CNTNAP2: variants seen among roughly 807,000 people sequenced by gnomAD.
The protein encoded by CNTNAP2 is contactin associated protein 2.
In CNTNAP2, 98 loss-of-function variants were observed where a neutral mutation model predicts 155.2. The ratio of observed to expected loss-of-function variants is 0.63; its 90% CI spans 0.54 to 0.75. CNTNAP2 has a LOEUF of 0.75. Among genes scored for constraint, CNTNAP2 ranks in the 30% least tolerant of loss-of-function variants. The probability of loss-of-function intolerance (pLI) is 0.00; values close to 1 mark genes in which losing one functional copy is unlikely to be tolerated. For missense variants in CNTNAP2, 1,727 were observed against 1,688.1 expected (o/e 1.02, Z -0.40); for synonymous variants, 651 against 631.2 (o/e 1.03, Z -0.47).
intron 9 of CNTNAP2, among the ~76,000 whole-genome samples, chr7:147,340,958 G>T (rs922724274): frequency 6.6e-6 from 1 of 151,944 alleles, no homozygotes; most frequent in Non-Finnish European, 1.5e-5. Context: ...GCCACCGCTA[G>T]ATGCTCCTCC....
intron 12 of CNTNAP2, among the ~76,000 whole-genome samples, chr7:147,566,398 A>C (rs1295644172): frequency 2.0e-5 from 3 of 150,958 alleles, no homozygotes; most frequent in Non-Finnish European, 4.4e-5. Context: ...ATGAGGAATT[A>C]GTCCGTTCTC....
chr7:146,567,776 A>C (rs1487553924), intron 1 of CNTNAP2, among the ~76,000 whole-genome samples: 3 of 152,098 alleles, frequency 2.0e-5, no homozygotes, highest in Admixed American at 6.5e-5. Context: ...GCTGGAGTGC[A>C]GTGGCGCGAT....
At chr7:148,071,406 G>A (rs1803379437) in intron 15 of CNTNAP2, among the ~76,000 whole-genome samples, 1 of 152,154 alleles carries the variant, frequency 6.6e-6, no homozygotes, top group East Asian at 1.9e-4. Context: ...CTTGAACCAG[G>A]AGGTGGAGGT....
Position 147,015,076 on chromosome 7 carries a change from CT to C in CNTNAP2, c.403-28827del, listed in dbSNP as rs1271436779. 2.7e-5 allele frequency among the ~76,000 whole-genome samples: 4 copies of C among 149,850 alleles called. 1 individual carries two copies. Among genetic ancestry groups the C allele is most frequent in the African/African-American group, 9.8e-5 (4 of 40,960 alleles). ...TGTGCTCAATGAATGTTTATGGATG[CT>C]TTTGACACAGTGGTTTTTTTTTTTT... On this transcript the variant is annotated intron_variant, in intron 3 of 23. Transcript: ENST00000361727.
chr7:147,350,376 A>T (rs1471499888), intron 9 of CNTNAP2, among the ~76,000 whole-genome samples: 1 of 151,926 alleles, frequency 6.6e-6, no homozygotes, highest in Non-Finnish European at 1.5e-5. Flanking sequence ...CCGATGCCCA[A>T]GTAATACCCC....
At chr7:146,644,612 T>A (rs1799776489) in intron 1 of CNTNAP2, among the ~76,000 whole-genome samples, 1 of 152,076 alleles carries the variant, frequency 6.6e-6, no homozygotes. Context: ...TGGTCTAAAA[T>A]TCGCAAATAG....
chr7:147,441,721 C>A (rs896904735), intron 10 of CNTNAP2, among the ~76,000 whole-genome samples: 14 of 151,764 alleles, frequency 9.2e-5, no homozygotes, highest in Admixed American at 3.9e-4. Context: ...TCATCTTGAT[C>A]GTCTTAAAGA....
intron 8 of CNTNAP2, among the ~76,000 whole-genome samples, chr7:147,256,273 C>A (rs181171107): frequency 6.6e-6 from 1 of 152,106 alleles, no homozygotes; most frequent in South Asian, 2.1e-4. Flanking sequence ...TGAGATCTTT[C>A]GATTCCCAGA....
At chr7:147,957,397 G>A (rs1050775852) in intron 14 of CNTNAP2, among the ~76,000 whole-genome samples, 3 of 152,158 alleles carry the variant, frequency 2.0e-5, no homozygotes. Context: ...GGTCCCAGGA[G>A]AAGAAATACT....
At chr7:147,150,569 C>T (rs1801805347) in intron 8 of CNTNAP2, among the ~76,000 whole-genome samples, 2 of 152,168 alleles carry the variant, frequency 1.3e-5, no homozygotes, top group African/African-American at 4.8e-5. Context: ...CCAACATCTA[C>T]TGCTTACTAA....
intron 1 of CNTNAP2, among the ~76,000 whole-genome samples, chr7:146,368,812 CACT>C (rs1242199747): frequency 2.0e-5 from 3 of 150,086 alleles, no homozygotes; most frequent in Non-Finnish European, 4.4e-5. Flanking sequence ...GTAACAAATT[CACT>C]ACTACTTGAT....
chr7:146,605,025 GTAAC>G (rs1375605942), intron 1 of CNTNAP2, among the ~76,000 whole-genome samples: 4 of 143,674 alleles, frequency 2.8e-5, no homozygotes, highest in African/African-American at 7.7e-5. Flanking sequence ...GTATACATAT[GTAAC>G]TAACCTGCAC....
intron 13 of CNTNAP2, among the ~76,000 whole-genome samples, chr7:147,733,048 T>C (rs1006006624): frequency 6.6e-6 from 1 of 152,208 alleles, no homozygotes; most frequent in African/African-American, 2.4e-5. Flanking sequence ...TTAGATCCCA[T>C]TTGTCAATTT....
At chr7:146,517,921 G>A (rs1797564660) in intron 1 of CNTNAP2, among the ~76,000 whole-genome samples, 1 of 151,810 alleles carries the variant, frequency 6.6e-6, no homozygotes, top group South Asian at 2.1e-4. Context: ...CATTGGAAGA[G>A]GCGCTTTCAA....
chr7:146,297,319 G>T (rs1407779302), intron 1 of CNTNAP2, among the ~76,000 whole-genome samples: 1 of 151,788 alleles, frequency 6.6e-6, no homozygotes, highest in Non-Finnish European at 1.5e-5. Context: ...AATATCAAGA[G>T]CATTAAGTTT....
At chr7:146,914,374 G>A (rs1040154925) in intron 3 of CNTNAP2, among the ~76,000 whole-genome samples, 3 of 152,118 alleles carry the variant, frequency 2.0e-5, no homozygotes, top group Middle Eastern at 3.4e-3. Context: ...TCTCCACACT[G>A]TTTTTCACAG....
intron 3 of CNTNAP2, among the ~76,000 whole-genome samples, chr7:146,997,178 A>G (rs1277216609): frequency 6.6e-6 from 1 of 152,142 alleles, no homozygotes; most frequent in Non-Finnish European, 1.5e-5. Flanking sequence ...AAAAGATTTC[A>G]TCTTTCCCAT....
rs1416725011 is a variant in CNTNAP2, at chr7:148,168,988, CA to C, written c.2774-3249del. ...CAAATAAGACAGGTGGATGTGACTACAAAAACATGCAAAACTTTCATCGGGA... is the reference window on the plus strand; with the variant it reads ...CAAATAAGACAGGTGGATGTGACTACAAAACATGCAAAACTTTCATCGGGA... On this transcript the variant is annotated intron_variant, in intron 17 of 23. Coordinates refer to ENST00000361727, the MANE Select transcript of CNTNAP2 (RefSeq NM_014141.6). Among the ~76,000 whole-genome samples, 7 of 152,188 alleles carry C rather than the reference CA, an allele frequency of 4.6e-5. No individual in the cohort carries two copies. In the East Asian group the frequency reaches 7.7e-4, roughly 17 times the overall value.
At position 146,831,473 on chromosome 7, in the gene CNTNAP2, C is replaced by G. The variant is rs766491532; in HGVS notation, c.209-8238C>G. ...TGGGCGGATCATGAGGTCGAGAGAT[C>G]GAGACCAGCTTAGTCAACATGGTGA... is the stretch of plus-strand genomic sequence containing the variant. On this transcript the variant is annotated intron_variant, in intron 2 of 23. Transcript: ENST00000361727. Among the ~76,000 whole-genome samples, 11 of 151,776 alleles carry G rather than the reference C, an allele frequency of 7.2e-5. No individual in the cohort carries two copies. In the South Asian group the frequency reaches 1.7e-3, roughly 23 times the overall value.
Sources: allele counts gnomAD v4.1 joint callset (sites outside exome capture counted in the v4.1 genomes callset), GRCh38; gene constraint gnomAD v4.1.1; transcripts MANE v1.5; gene names NCBI Gene and HGNC (gene_info 2026-07-23, HGNC 2026-07-21).